Variants in FCHO2 observed in about 807,000 individuals in gnomAD.
FCHO2 encodes the protein F-BAR domain only protein 2.
Under a neutral mutation model 114.1 loss-of-function variants are expected in FCHO2, and 43 were observed. The observed-to-expected ratio is 0.38, with a 90% CI of 0.30 to 0.49. The LOEUF is 0.49. FCHO2 is among the 20% of genes least tolerant of loss of function. The probability of loss-of-function intolerance (pLI) is 0.97; values close to 1 mark genes in which losing one functional copy is unlikely to be tolerated. For missense variants in FCHO2, 807 were observed against 950.4 expected (o/e 0.85, Z 1.98); for synonymous variants, 293 against 315.2 (o/e 0.93, Z 0.75).
chr5:73,070,603 A>G (rs540604883), intron 19 of FCHO2, among the ~76,000 whole-genome samples: 3 of 147,148 alleles, frequency 2.0e-5, no homozygotes, highest in South Asian at 2.1e-4. Flanking sequence ...TAGATTATTC[A>G]GGAGGTTTTG....
chr5:73,041,224 A>G, intron 10 of FCHO2, 67 bp from the exon 11 acceptor site: 3 of 1,025,658 alleles, frequency 2.9e-6, no homozygotes. Flanking sequence ...CAAAGTAAAT[A>G]CTTTAAACAA....
At chr5:73,070,597 T>C (rs573290081) in intron 19 of FCHO2, among the ~76,000 whole-genome samples, 1 of 151,588 alleles carries the variant, frequency 6.6e-6, no homozygotes, top group East Asian at 1.9e-4. Flanking sequence ...TATCTTTAGA[T>C]TATTCAGGAG....
rs183590461 is a variant in FCHO2, at chr5:72,961,431, A to G, written c.33+5302A>G. Among the ~76,000 whole-genome samples, 1,167 of 152,282 alleles carry G rather than the reference A, an allele frequency of 7.7e-3. 13 individuals carry two copies. The highest frequency in any genetic ancestry group is 0.027 in the African/African-American group (1,119 of 41,562). The stretch of plus-strand genomic sequence containing the variant: ...TGTTTTTAGGATATGATCCCATCAG[A>G]TGACATACCAAAACAAAATCTATAT... On this transcript the variant is annotated intron_variant, in intron 1 of 25. Coordinates refer to ENST00000430046, the MANE Select transcript of FCHO2 (RefSeq NM_138782.3).
intron 8 of FCHO2, among the ~76,000 whole-genome samples, chr5:73,027,217 C>T (rs1430135262): frequency 1.3e-5 from 2 of 151,798 alleles, no homozygotes; most frequent in Non-Finnish European, 2.9e-5. Context: ...AATTCAGTTG[C>T]TAAAAGAGAG....
At chr5:72,970,103 G>A (rs990134005) in intron 2 of FCHO2, among the ~76,000 whole-genome samples, 11 of 152,064 alleles carry the variant, frequency 7.2e-5, no homozygotes, top group Non-Finnish European at 1.5e-4. Context: ...AGTTGGAGTG[G>A]TTTTTTTGAA....
rs758027770 is a variant in FCHO2, at chr5:73,034,652, T to G, written c.797-5T>G. On this transcript the variant is annotated splice_region_variant and splice_polypyrimidine_tract_variant and intron_variant, in intron 8 of 25. Coordinates refer to ENST00000430046, the MANE Select transcript of FCHO2 (RefSeq NM_138782.3). ...CTAGAAGTTTTTCAATTTCTTTTTT[T>G]CCAGGCCTCATTGAATTTGAAGAAT... 2 of 1,594,446 alleles carry G rather than the reference T, an allele frequency of 1.3e-6. No homozygotes were observed. Among genetic ancestry groups the G allele is most frequent in the African/African-American group, 2.7e-5 (2 of 74,006 alleles).
At chr5:73,008,966 G>A (rs1268780203) in intron 6 of FCHO2, among the ~76,000 whole-genome samples, 2 of 152,148 alleles carry the variant, frequency 1.3e-5, no homozygotes, top group Non-Finnish European at 2.9e-5. Context: ...TATAAAATAG[G>A]GTTTTGTCAG....
At chr5:73,026,334 G>A (rs1755914524) in intron 8 of FCHO2, among the ~76,000 whole-genome samples, 1 of 152,078 alleles carries the variant, frequency 6.6e-6, no homozygotes, top group African/African-American at 2.4e-5. Context: ...GCTGGGTGTG[G>A]TGGTGGGCGC....
chr5:73,032,232 G>A (rs770785281), intron 8 of FCHO2, among the ~76,000 whole-genome samples: 1 of 151,906 alleles, frequency 6.6e-6, no homozygotes, highest in Non-Finnish European at 1.5e-5. Context: ...ATGATTTAAT[G>A]GTTTTTTTAA....
At chr5:73,044,667 TTTTTTCTTTTTTC>T (rs1335060682) in intron 11 of FCHO2, among the ~76,000 whole-genome samples, 1 of 152,166 alleles carries the variant, frequency 6.6e-6, no homozygotes, top group African/African-American at 2.4e-5. Context: ...TAATTGCTCT[TTTTTTCTTTTTTC>T]TTTTTCTTTT....
At chr5:73,002,821 A>G (rs922919082) in intron 5 of FCHO2, among the ~76,000 whole-genome samples, 2 of 152,336 alleles carry the variant, frequency 1.3e-5, no homozygotes, top group South Asian at 2.1e-4. Flanking sequence ...GACATATTAA[A>G]TAGTACAGAA....
chr5:72,965,278 G>A (rs1471805577), intron 1 of FCHO2, among the ~76,000 whole-genome samples: 1 of 152,032 alleles, frequency 6.6e-6, no homozygotes, highest in East Asian at 1.9e-4. Context: ...ACAAACTCCT[G>A]GTTTTTCAGT....
At chr5:72,984,734 A>G (rs1486660003) in intron 2 of FCHO2, among the ~76,000 whole-genome samples, 1 of 152,096 alleles carries the variant, frequency 6.6e-6, no homozygotes, top group Non-Finnish European at 1.5e-5. Flanking sequence ...CTGGTCTCAA[A>G]TGATCCTCCC....
At chr5:73,029,070 TTA>T (rs1468179439) in intron 8 of FCHO2, among the ~76,000 whole-genome samples, 1 of 152,182 alleles carries the variant, frequency 6.6e-6, no homozygotes, top group Non-Finnish European at 1.5e-5. Context: ...GAGGTGATAA[TTA>T]TATATGTTAT....
In FCHO2 at chr5:73,090,297, T is replaced by C. The variant is rs886399201; in HGVS notation, c.*2207T>C. 2 of 152,598 alleles carry C rather than the reference T, an allele frequency of 1.3e-5. No homozygotes were observed. Among genetic ancestry groups the C allele is most frequent in the African/African-American group, 4.8e-5 (2 of 41,456 alleles). 9.5% of individuals were successfully genotyped at this position (152,598 alleles called of 1,614,324 possible). On this transcript the variant is annotated 3_prime_UTR_variant, in exon 26 of 26. Transcript: ENST00000430046. Reference sequence around the variant, plus strand: ...GAAATGTACCTAGCAAGCTGGTTCTTGCTTATATATAGTGATAAACTTTGT... The same window carrying C: ...GAAATGTACCTAGCAAGCTGGTTCTCGCTTATATATAGTGATAAACTTTGT...
intron 8 of FCHO2, among the ~76,000 whole-genome samples, chr5:73,018,100 A>G (rs552152329): frequency 7.9e-5 from 12 of 152,202 alleles, no homozygotes; most frequent in Non-Finnish European, 1.0e-4. Flanking sequence ...AAAATATGAT[A>G]TGGCATTCCA....
intron 2 of FCHO2, among the ~76,000 whole-genome samples, chr5:72,981,376 A>G (rs1239422619): frequency 5.9e-5 from 9 of 151,804 alleles, no homozygotes; most frequent in African/African-American, 2.2e-4. Context: ...TGCCCTTAAC[A>G]TTTTTTCCTT....
At chr5:72,991,128 G>A (rs528554332) in intron 5 of FCHO2, among the ~76,000 whole-genome samples, 29 of 152,136 alleles carry the variant, frequency 1.9e-4, no homozygotes, top group Non-Finnish European at 3.7e-4. Flanking sequence ...GCAGTGGCGC[G>A]ATCTTGGCTC....
chr5:73,036,282 A>G (rs149146813), intron 9 of FCHO2, among the ~76,000 whole-genome samples: 3 of 152,178 alleles, frequency 2.0e-5, no homozygotes, highest in Non-Finnish European at 4.4e-5. Flanking sequence ...CATTTATAGC[A>G]TTGTTTGTAT....
Sources: gnomAD v4.1 joint callset for allele counts (sites outside exome capture counted in the v4.1 genomes callset) on GRCh38, gnomAD v4.1.1 for gene constraint, MANE v1.5 for transcripts, NCBI Gene and HGNC (gene_info 2026-07-23, HGNC 2026-07-21) for gene names.